Variants in PHACTR1 observed in about 807,000 individuals in gnomAD.
The protein encoded by PHACTR1 is RPEL repeat containing 1.
Under a neutral mutation model 69.2 loss-of-function variants are expected in PHACTR1, and 16 were observed. The ratio of observed to expected loss-of-function variants is 0.23; its 90% CI spans 0.16 to 0.35. PHACTR1 has a LOEUF of 0.35. PHACTR1 is among the 10% of genes least tolerant of loss of function. The pLI is 1.00. For missense variants in PHACTR1, 510 were observed against 734.7 expected, an observed-to-expected ratio of 0.69 and a Z score of 3.54; for synonymous variants, 312 against 284.5, an observed-to-expected ratio of 1.10 and a Z score of -0.97.
chr6:12,731,817 G>A (rs1196049582), intron 3 of PHACTR1, among the ~76,000 whole-genome samples: 5 of 152,122 alleles, frequency 3.3e-5, no homozygotes, highest in Non-Finnish European at 7.3e-5. Context: ...GGAAATACGA[G>A]CAAAGACATC....
At position 12,814,414 on chromosome 6, in the gene PHACTR1, A is replaced by G. The variant is rs573177913; in HGVS notation, c.250+64624A>G. Among the ~76,000 whole-genome samples the G allele has an allele frequency of 2.6e-5, 4 of 152,352 alleles. No homozygotes were observed. The South Asian group carries it at 6.2e-4, about 24-fold the overall frequency. On this transcript the variant is annotated intron_variant, in intron 4 of 14. Coordinates refer to ENST00000332995, the MANE Select transcript of PHACTR1 (RefSeq NM_030948.6). ...GTGCTGTGTGCCTGGCACAGAATAGACGCTCCAAAAATGTCTCTTTGCTGT... is the reference window on the plus strand; with the variant it reads ...GTGCTGTGTGCCTGGCACAGAATAGGCGCTCCAAAAATGTCTCTTTGCTGT...
chr6:12,873,472 G>A (rs1484723552), intron 4 of PHACTR1, among the ~76,000 whole-genome samples: 1 of 151,974 alleles, frequency 6.6e-6, no homozygotes, highest in Admixed American at 6.6e-5. Flanking sequence ...GGGAGAGAAC[G>A]ATATAAACAC....
intron 4 of PHACTR1, among the ~76,000 whole-genome samples, chr6:12,794,748 A>T (rs747154368): frequency 2.6e-5 from 4 of 152,114 alleles, no homozygotes; most frequent in Non-Finnish European, 5.9e-5. Context: ...CAGCAGACAC[A>T]TGTGGTGTCT....
chr6:12,790,038 C>T (rs1205703312), intron 4 of PHACTR1, among the ~76,000 whole-genome samples: 1 of 151,900 alleles, frequency 6.6e-6, no homozygotes, highest in Non-Finnish European at 1.5e-5. Flanking sequence ...ACCTGGTTTA[C>T]TCTGATAACC....
intron 10 of PHACTR1, among the ~76,000 whole-genome samples, chr6:13,242,704 A>C (rs1319405389): frequency 6.6e-6 from 1 of 152,218 alleles, no homozygotes; most frequent in African/African-American, 2.4e-5. Flanking sequence ...TAAAGGAAAA[A>C]CTAGCTTAAC....
chr6:12,843,353 A>T (rs981893519), intron 4 of PHACTR1, among the ~76,000 whole-genome samples: 3 of 152,164 alleles, frequency 2.0e-5, no homozygotes, highest in African/African-American at 4.8e-5. Context: ...CCTAGAAGGA[A>T]AAAAGGAGAC....
intron 5 of PHACTR1, among the ~76,000 whole-genome samples, chr6:13,140,938 A>G (rs1241087865): frequency 2.0e-5 from 3 of 152,212 alleles, no homozygotes; most frequent in African/African-American, 7.2e-5. Context: ...AGCTCTGTCA[A>G]GTGACAGGAT....
At chr6:13,200,868 G>A (rs541845113) in intron 7 of PHACTR1, among the ~76,000 whole-genome samples, 64 of 151,562 alleles carry the variant, frequency 4.2e-4, no homozygotes, top group Non-Finnish European at 8.7e-4. Flanking sequence ...TGAACAACCC[G>A]GGAGCGGGAG....
chr6:13,004,975 AT>A (rs1257769440), intron 4 of PHACTR1, among the ~76,000 whole-genome samples: 1 of 151,718 alleles, frequency 6.6e-6, no homozygotes, highest in Non-Finnish European at 1.5e-5. Flanking sequence ...TGTAATATAT[AT>A]TTAATATATT....
chr6:12,930,193 G>A (rs571801606), intron 4 of PHACTR1, among the ~76,000 whole-genome samples: 1 of 152,038 alleles, frequency 6.6e-6, no homozygotes, highest in Non-Finnish European at 1.5e-5. Context: ...ATAGGTGTGT[G>A]CCCCAACACC....
chr6:13,079,270 G>T (rs983935457), intron 5 of PHACTR1, among the ~76,000 whole-genome samples: 1 of 152,158 alleles, frequency 6.6e-6, no homozygotes, highest in African/African-American at 2.4e-5. Flanking sequence ...GAGATGGACA[G>T]ATACCCATGA....
intron 4 of PHACTR1, among the ~76,000 whole-genome samples, chr6:12,997,809 C>G (rs972047206): frequency 1.3e-5 from 2 of 151,922 alleles, no homozygotes; most frequent in Non-Finnish European, 2.9e-5. Flanking sequence ...CAAAATTAGC[C>G]GGGCACGGTG....
intron 5 of PHACTR1, among the ~76,000 whole-genome samples, chr6:13,142,394 G>A (rs568673078): frequency 1.6e-3 from 251 of 152,256 alleles, no homozygotes; most frequent in African/African-American, 5.8e-3. Flanking sequence ...GTGAGCCACC[G>A]CATCTGGCCG....
chr6:12,883,985 CATACACAAAT>C (rs540176679), intron 4 of PHACTR1, among the ~76,000 whole-genome samples: 259 of 151,910 alleles, frequency 1.7e-3, no homozygotes, highest in African/African-American at 5.8e-3. Context: ...CATACACACA[CATACACAAAT>C]ATACACACAT....
intron 4 of PHACTR1, among the ~76,000 whole-genome samples, chr6:12,917,841 C>G (rs1787184367): frequency 6.6e-6 from 1 of 152,154 alleles, no homozygotes; most frequent in Non-Finnish European, 1.5e-5. Flanking sequence ...AATACTGACT[C>G]TCACTGAGTT....
intron 4 of PHACTR1, among the ~76,000 whole-genome samples, chr6:12,841,333 C>G (rs1778681611): frequency 6.6e-6 from 1 of 152,180 alleles, no homozygotes; most frequent in Admixed American, 6.5e-5. Flanking sequence ...TCACATCATT[C>G]TACTTAAAGA....
At chr6:12,730,890 C>T (rs993843073) in intron 3 of PHACTR1, among the ~76,000 whole-genome samples, 9 of 152,170 alleles carry the variant, frequency 5.9e-5, no homozygotes, top group African/African-American at 2.2e-4. Context: ...ATAATGGCCT[C>T]TAGCTCCATC....
chr6:13,149,055 T>C lies in PHACTR1; in HGVS notation c.416-11149T>C, dbSNP rs1823882373. Among the ~76,000 whole-genome samples, 3 of 91,676 alleles carry C rather than the reference T, an allele frequency of 3.3e-5. No individual in the cohort carries two copies. The South Asian group carries it at 1.5e-3, about 47-fold the overall frequency. The allele number at this position is 91,676 out of a possible 152,430, so 60.1% of individuals were successfully genotyped here. A position where few individuals can be genotyped will look rare whatever the true frequency, so the allele number is the denominator to read the frequency against. ...GGTTTTCGGTTGTGTTTGTTTCAAATGTTTACCAGAACATTTGAATGTTTA... is the reference window on the plus strand; with the variant it reads ...GGTTTTCGGTTGTGTTTGTTTCAAACGTTTACCAGAACATTTGAATGTTTA... On this transcript the variant is annotated intron_variant, in intron 5 of 14. Coordinates refer to ENST00000332995, the MANE Select transcript of PHACTR1 (RefSeq NM_030948.6).
chr6:13,110,295 T>G (rs1202104796), intron 5 of PHACTR1, among the ~76,000 whole-genome samples: 1 of 152,160 alleles, frequency 6.6e-6, no homozygotes, highest in African/African-American at 2.4e-5. Context: ...CTCCAAAGCT[T>G]GCTTTTAAGT....
Sources: allele counts gnomAD v4.1 joint callset (sites outside exome capture counted in the v4.1 genomes callset), GRCh38; gene constraint gnomAD v4.1.1; transcripts MANE v1.5; gene names NCBI Gene and HGNC (gene_info 2026-07-23, HGNC 2026-07-21).